The following SIPA1L3 variants were observed in gnomAD, a reference collection of about 807,000 sequenced individuals.
The protein encoded by SIPA1L3 is signal induced proliferation associated 1 like 3, also known as signal-induced proliferation-associated 1-like protein 3.
Under a neutral mutation model 150.1 loss-of-function variants are expected in SIPA1L3, and 59 were observed. The observed-to-expected ratio is 0.39, with a 90% CI of 0.32 to 0.49. The LOEUF is 0.49. Among genes scored for constraint, SIPA1L3 ranks in the 20% least tolerant of loss-of-function variants. The pLI, the probability that SIPA1L3 is intolerant of heterozygous loss-of-function variation, is 0.86. For missense variants in SIPA1L3, 2,211 were observed against 2,489.5 expected (o/e 0.89, Z 2.38); for synonymous variants, 1,070 against 1,077.6 (o/e 0.99, Z 0.14).
At chr19:38,123,799 G>C (rs1971089635) in intron 9 of SIPA1L3, among the ~76,000 whole-genome samples, 3 of 150,902 alleles carry the variant, frequency 2.0e-5, no homozygotes, top group Admixed American at 6.6e-5. Context: ...CAGACGGGGT[G>C]GCGGCCGGGC....
chr19:37,941,452 GTTT>G (rs573938334), intron 1 of SIPA1L3, among the ~76,000 whole-genome samples: 1 of 115,668 alleles, frequency 8.6e-6, no homozygotes, highest in Non-Finnish European at 1.9e-5. Flanking sequence ...TCTGTTGTGT[GTTT>G]TTTTTTTTTT....
intron 9 of SIPA1L3, among the ~76,000 whole-genome samples, chr19:38,128,380 G>T (rs572597771): frequency 6.6e-6 from 1 of 152,060 alleles, no homozygotes; most frequent in Non-Finnish European, 1.5e-5. Flanking sequence ...AATTCTCGCC[G>T]TCCAAATCAG....
intron 1 of SIPA1L3, among the ~76,000 whole-genome samples, chr19:37,991,468 C>G (rs1453894931): frequency 2.0e-5 from 3 of 152,184 alleles, no homozygotes; most frequent in African/African-American, 7.2e-5. Context: ...GAAGAACTAC[C>G]TCCCCACATC....
At chr19:38,005,116 A>G (rs941747400) in intron 1 of SIPA1L3, among the ~76,000 whole-genome samples, 5 of 151,440 alleles carry the variant, frequency 3.3e-5, no homozygotes, top group South Asian at 2.1e-4. Context: ...CCAATCAGCT[A>G]CAGGCAGGGA....
chr19:38,111,336 T>G (rs1356601002), intron 8 of SIPA1L3, among the ~76,000 whole-genome samples: 1 of 152,110 alleles, frequency 6.6e-6, no homozygotes, highest in Non-Finnish European at 1.5e-5. Context: ...ACAGCTGAGA[T>G]CTTTTCGTAC....
chr19:38,055,299 G>T (rs541482191), intron 2 of SIPA1L3, among the ~76,000 whole-genome samples: 2 of 152,340 alleles, frequency 1.3e-5, no homozygotes, highest in African/African-American at 4.8e-5. Flanking sequence ...GGGGGGTGCA[G>T]GGACAGGGAG....
At chr19:38,020,146 C>G (rs1968340055) in intron 1 of SIPA1L3, among the ~76,000 whole-genome samples, 1 of 152,256 alleles carries the variant, frequency 6.6e-6, no homozygotes, top group East Asian at 1.9e-4. Context: ...TTAATGCATA[C>G]TTAGTGCATA....
At chr19:37,978,686 A>G (rs1486577742) in intron 1 of SIPA1L3, among the ~76,000 whole-genome samples, 1 of 152,238 alleles carries the variant, frequency 6.6e-6, no homozygotes, top group African/African-American at 2.4e-5. Flanking sequence ...ATATTTAAAA[A>G]TAAAAAGGCC....
intron 2 of SIPA1L3, among the ~76,000 whole-genome samples, chr19:38,054,796 C>T (rs1035467646): frequency 2.6e-5 from 4 of 152,240 alleles, no homozygotes; most frequent in Admixed American, 2.0e-4. Flanking sequence ...TGTTGTCGTC[C>T]CCACTTTCCA....
intron 1 of SIPA1L3, among the ~76,000 whole-genome samples, chr19:37,987,419 C>T (rs948517981): frequency 1.3e-5 from 2 of 152,204 alleles, no homozygotes; most frequent in African/African-American, 4.8e-5. Context: ...GGAGCCTAGA[C>T]CAGGGTTTGT....
chr19:38,033,289 G>C (rs1430192151), intron 2 of SIPA1L3, among the ~76,000 whole-genome samples: 3 of 152,178 alleles, frequency 2.0e-5, no homozygotes, highest in Non-Finnish European at 4.4e-5. Context: ...ACTATGTTTT[G>C]TTTTCATTGT....
intron 1 of SIPA1L3, among the ~76,000 whole-genome samples, chr19:37,965,776 G>A (rs1057367384): frequency 2.1e-5 from 3 of 143,074 alleles, no homozygotes; most frequent in South Asian, 2.2e-4. Context: ...TTCTGATGTC[G>A]GTATCATCAA....
chr19:38,082,904 G>C lies in SIPA1L3; in HGVS notation c.1339G>C (p.Ala447Pro), dbSNP rs199585273. The change falls in exon 3 of 22, where the codon GCT becomes CCT. Residue 447 changes from alanine (A) to proline (P), a missense_variant. Transcript: ENST00000222345. ...TGAGCGCAACGTGAGCTTCTCCCGG[G>C]CTTCCGTGGGCTCCCCGAGCAGCGG... ...ECERNVSFSR[A>P]SVGSPSSGEG... is the part of the protein sequence containing the mutation. 63 of 1,613,116 alleles carry C rather than the reference G, an allele frequency of 3.9e-5. No homozygotes were observed. Among genetic ancestry groups the C allele is most frequent in the East Asian group, 2.2e-5 (1 of 44,888 alleles).
chr19:38,165,744 C>T (rs150327364), intron 15 of SIPA1L3, among the ~76,000 whole-genome samples: 2 of 152,186 alleles, frequency 1.3e-5, no homozygotes, highest in African/African-American at 4.8e-5. Context: ...AGCGGGAGAC[C>T]TGAGAACGTG....
intron 2 of SIPA1L3, among the ~76,000 whole-genome samples, chr19:38,071,175 TC>T (rs1969707650): frequency 1.3e-5 from 2 of 152,236 alleles, no homozygotes; most frequent in East Asian, 3.9e-4. Flanking sequence ...TTGTCATCCA[TC>T]CAGTCATTTA....
intron 3 of SIPA1L3, chr19:38,087,643 AGAG>A (rs1970163723): frequency 4.6e-5 from 7 of 152,374 alleles, no homozygotes; most frequent in Admixed American, 4.6e-4. Flanking sequence ...TTAGAAAAAA[AGAG>A]GAGGCAGCTG....
chr19:38,091,706 A>G (rs1432060880), intron 4 of SIPA1L3, among the ~76,000 whole-genome samples: 3 of 152,102 alleles, frequency 2.0e-5, no homozygotes, highest in Non-Finnish European at 4.4e-5. Flanking sequence ...CACTGGACCC[A>G]CTCATGAGTT....
At chr19:37,940,331 TACTA>T (rs1184447950) in intron 1 of SIPA1L3, among the ~76,000 whole-genome samples, 1 of 152,006 alleles carries the variant, frequency 6.6e-6, no homozygotes, top group Non-Finnish European at 1.5e-5. Flanking sequence ...CTTTACCTCT[TACTA>T]ACTCATGACC....
At chr19:37,997,683 A>G (rs752941110) in intron 1 of SIPA1L3, among the ~76,000 whole-genome samples, 1 of 151,956 alleles carries the variant, frequency 6.6e-6, no homozygotes, top group African/African-American at 2.4e-5. Context: ...CCTGGCCAAC[A>G]TGGTGAAACC....
Sources: allele counts gnomAD v4.1 joint callset (sites outside exome capture counted in the v4.1 genomes callset), GRCh38; gene constraint gnomAD v4.1.1; transcripts MANE v1.5; gene names NCBI Gene and HGNC (gene_info 2026-07-23, HGNC 2026-07-21).